Variants in ZNF331 observed in about 807,000 individuals in gnomAD.
ZNF331 encodes zinc finger protein 331, also known as C2H2-like zinc finger protein rearranged in thyroid adenomas.
Under a neutral mutation model 7.0 loss-of-function variants are expected in ZNF331, and 2 were observed. The ratio of observed to expected loss-of-function variants is 0.29; its 90% CI spans 0.12 to 0.90. The LOEUF (loss-of-function observed/expected upper bound fraction) is 0.90, where lower values mean the gene tolerates loss of function less well. Ranked by LOEUF, ZNF331 falls within the 40% of genes least tolerant of loss-of-function variation. The pLI, the probability that ZNF331 is intolerant of heterozygous loss-of-function variation, is 0.58. For missense variants in ZNF331, 432 were observed against 587.7 expected (o/e 0.74, Z 2.74); for synonymous variants, 196 against 205.4 (o/e 0.95, Z 0.39).
At chr19:53,532,768 G>A (rs1175737784) in intron 2 of ZNF331, among the ~76,000 whole-genome samples, 1 of 152,074 alleles carries the variant, frequency 6.6e-6, no homozygotes, top group Non-Finnish European at 1.5e-5. Flanking sequence ...GTGTTTCTAG[G>A]AATTAATCTT....
At chr19:53,524,001 A>T (rs1318969308) in intron 2 of ZNF331, among the ~76,000 whole-genome samples, 1 of 152,176 alleles carries the variant, frequency 6.6e-6, no homozygotes, top group Non-Finnish European at 1.5e-5. Flanking sequence ...CCTATGAGTG[A>T]GAACATGCGG....
chr19:53,550,632 G>T (rs1434339558), intron 2 of ZNF331, among the ~76,000 whole-genome samples: 1 of 128,342 alleles, frequency 7.8e-6, no homozygotes, highest in African/African-American at 2.9e-5. Flanking sequence ...CGCCTCCCAA[G>T]TTCAAGCGAT....
chr19:53,540,704 G>A (rs1265177410), intron 2 of ZNF331, among the ~76,000 whole-genome samples: 5 of 7,274 alleles, frequency 6.9e-4, no homozygotes, highest in African/African-American at 5.3e-3. Flanking sequence ...CCCAAAGTGC[G>A]GGATTACAGG....
chr19:53,506,222 C>T, the ZNF331 span, among the ~76,000 whole-genome samples: 1 of 130,684 alleles, frequency 7.7e-6, no homozygotes, highest in Non-Finnish European at 1.6e-5. Flanking sequence ...GTAATCCCAG[C>T]TACTCGGGAG....
chr19:53,504,612 A>G, the ZNF331 span, among the ~76,000 whole-genome samples: 1 of 152,236 alleles, frequency 6.6e-6, no homozygotes, highest in East Asian at 1.9e-4. Flanking sequence ...GACGGGGGGA[A>G]TGTGCGCAGA....
chr19:53,567,773 G>A (rs1168034911), intron 3 of ZNF331, among the ~76,000 whole-genome samples: 44 of 151,864 alleles, frequency 2.9e-4, no homozygotes, highest in Admixed American at 2.8e-3. Context: ...AGCCCAGGAA[G>A]TCAAGGCTGC....
At chr19:53,549,076 T>G (rs2088813670) in intron 2 of ZNF331, among the ~76,000 whole-genome samples, 1 of 152,136 alleles carries the variant, frequency 6.6e-6, no homozygotes, top group Admixed American at 6.5e-5. Context: ...CTTAAACTCC[T>G]GACCTCAGGT....
chr19:53,572,777 A>C (rs2090525816), intron 5 of ZNF331, among the ~76,000 whole-genome samples: 1 of 151,896 alleles, frequency 6.6e-6, no homozygotes, highest in South Asian at 2.1e-4. Flanking sequence ...TCTATTTTGG[A>C]GATGAGGATA....
intron 5 of ZNF331, among the ~76,000 whole-genome samples, chr19:53,574,170 C>A (rs2090594618): frequency 6.6e-6 from 1 of 152,104 alleles, no homozygotes; most frequent in African/African-American, 2.4e-5. Context: ...TGAAATTTTT[C>A]CTCAAGTTCT....
rs1600391135 is a variant in ZNF331 at position 53,558,075 on chromosome 19, C to G, written c.-74+2167C>G. 6.6e-6 allele frequency among the ~76,000 whole-genome samples: 1 copy of G among 152,152 alleles called. No individual in the cohort carries two copies. The highest frequency in any genetic ancestry group is 2.1e-4 in the South Asian group (1 of 4,824). ...GACACCATCTACCTGGAGATGGCAT[C>G]AGATTCCACAGGTTGTGAGCAAGAC... On this transcript the variant is annotated intron_variant, in intron 3 of 5. Transcript: ENST00000449416. The surrounding 1 kb of genome is among the most constrained non-coding windows in gnomAD (Gnocchi z 4.5).
chr19:53,542,097 T>G (rs1385981540), intron 2 of ZNF331, among the ~76,000 whole-genome samples: 1 of 152,232 alleles, frequency 6.6e-6, no homozygotes, highest in African/African-American at 2.4e-5. Flanking sequence ...TTTTGGAGTA[T>G]TGAATCTTGC....
intron 2 of ZNF331, among the ~76,000 whole-genome samples, chr19:53,548,407 G>A (rs1049436592): frequency 1.3e-5 from 2 of 151,866 alleles, no homozygotes; most frequent in Admixed American, 6.6e-5. Flanking sequence ...CACGGTGCCC[G>A]GCCAATGCCC....
At chr19:53,537,597 G>T (rs897561066), upstream of ZNF331, 3 of 152,388 alleles carry the variant, frequency 2.0e-5, no homozygotes, top group African/African-American at 4.8e-5. Flanking sequence ...TGAGGCCCCT[G>T]CCTGGGACCG....
the ZNF331 span, among the ~76,000 whole-genome samples, chr19:53,505,129 TTAGTGCTGTGC>T: frequency 6.6e-5 from 10 of 152,178 alleles, no homozygotes; most frequent in Non-Finnish European, 1.3e-4. Context: ...ACGAGGCTTG[TTAGTGCTGTGC>T]TTGCCAGGAG....
At chr19:53,559,681 TAC>T (rs1219815697) in intron 3 of ZNF331, among the ~76,000 whole-genome samples, 36 of 141,484 alleles carry the variant, frequency 2.5e-4, no homozygotes, top group African/African-American at 9.2e-4. Flanking sequence ...ATAAAAACCA[TAC>T]ACACATATAC....
At chr19:53,557,692 G>A (rs991117439) in intron 3 of ZNF331, among the ~76,000 whole-genome samples, 1 of 152,204 alleles carries the variant, frequency 6.6e-6, no homozygotes, top group African/African-American at 2.4e-5. Context: ...GCCGGGTGCG[G>A]TGGCCCACAC....
chr19:53,574,556 G>A (rs893752135), intron 5 of ZNF331, among the ~76,000 whole-genome samples: 1 of 152,034 alleles, frequency 6.6e-6, no homozygotes, highest in Non-Finnish European at 1.5e-5. Context: ...GCGGGTAGAG[G>A]TGACAGGGTC....
intron 2 of ZNF331, among the ~76,000 whole-genome samples, chr19:53,530,807 C>G (rs117974145): frequency 6.6e-6 from 1 of 152,204 alleles, no homozygotes; most frequent in Non-Finnish European, 1.5e-5. Flanking sequence ...GAGTAGAAGA[C>G]GCACTTGCGT....
At chr19:53,537,126 G>A (rs1428534654), upstream of ZNF331, 1 of 152,246 alleles carries the variant, frequency 6.6e-6, no homozygotes, top group Non-Finnish European at 1.5e-5. Context: ...CAGAAAAAAA[G>A]CATTTTGTGA....
Sources: allele counts gnomAD v4.1 joint callset (sites outside exome capture counted in the v4.1 genomes callset), GRCh38; gene constraint gnomAD v4.1.1; non-coding constraint Gnocchi (gnomAD v3.1); transcripts MANE v1.5; gene names NCBI Gene and HGNC (gene_info 2026-07-23, HGNC 2026-07-21).